Variants in RANBP17 observed in about 807,000 individuals in gnomAD.
RANBP17 encodes the protein ran-binding protein 17.
In RANBP17, 158 loss-of-function variants were observed where a neutral mutation model predicts 141.2. That is an observed-to-expected ratio of 1.12 (90% CI 0.98 to 1.28). The LOEUF is 1.28. Ranked by LOEUF, RANBP17 falls within the 50% of genes most tolerant of loss-of-function variation. The probability of loss-of-function intolerance (pLI) is 0.00; values close to 1 mark genes in which losing one functional copy is unlikely to be tolerated. For missense variants in RANBP17, 1,438 were observed against 1,290.7 expected, an observed-to-expected ratio of 1.11 and a Z score of -1.75; for synonymous variants, 430 against 450.0, an observed-to-expected ratio of 0.96 and a Z score of 0.56.
intron 24 of RANBP17, among the ~76,000 whole-genome samples, chr5:171,258,159 AC>A (rs397882114): frequency 7.5e-6 from 1 of 133,080 alleles, no homozygotes; most frequent in Non-Finnish European, 1.6e-5. Context: ...ACACACACAC[AC>A]CCCTAGGAAT....
chr5:170,965,350 C>T (rs1250824064), intron 13 of RANBP17, among the ~76,000 whole-genome samples: 3 of 151,214 alleles, frequency 2.0e-5, no homozygotes, highest in African/African-American at 4.9e-5. Context: ...TTGTAGGTTG[C>T]CTGTTCACTC....
intron 14 of RANBP17, chr5:170,983,039 T>C (rs1307992040): frequency 2.0e-6 from 1 of 488,878 alleles, no homozygotes; most frequent in Non-Finnish European, 4.0e-6. Context: ...AAGCCTCAAC[T>C]TTACTTCTCT....
chr5:171,110,687 A>G (rs1475442762), intron 14 of RANBP17, among the ~76,000 whole-genome samples: 4 of 152,138 alleles, frequency 2.6e-5, no homozygotes, highest in Non-Finnish European at 5.9e-5. Flanking sequence ...ACAGGGCCAA[A>G]AGGTTATATA....
At position 170,918,995 on chromosome 5, in the gene RANBP17, TAAAA is replaced by T. The variant is rs111269827; in HGVS notation, c.1101+140_1101+143del. On this transcript the variant is annotated intron_variant, in intron 10 of 27. Transcript: ENST00000523189. ...GAAATGTTCATTACAGGGTTTTAGGTAAAAAAATTCATTGAAATGTATATAATAA... is the reference window on the plus strand; with the variant it reads ...GAAATGTTCATTACAGGGTTTTAGGTAAATTCATTGAAATGTATATAATAA... 8.1e-4 allele frequency: 379 copies of T among 469,018 alleles called. 5 individuals are homozygous for T. The highest frequency in any genetic ancestry group is 7.5e-4 in the Non-Finnish European group (215 of 284,996). The allele number at this position is 469,018 out of a possible 1,614,324, so 29.1% of individuals were successfully genotyped here.
chr5:171,010,724 TC>T (rs1334697807), intron 14 of RANBP17, among the ~76,000 whole-genome samples: 1 of 152,126 alleles, frequency 6.6e-6, no homozygotes, highest in Non-Finnish European at 1.5e-5. Context: ...AGAGGGTACA[TC>T]AGTATAGATC....
rs1264181369 is a variant in RANBP17 at position 171,248,068 on chromosome 5, T to G, written c.2776+5248T>G. ...TCTAGAAGAGAAGACTAGAGTCCTA[T>G]AAAGAACTCACAGGAAGGCTGGGCG... On this transcript the variant is annotated intron_variant, in intron 24 of 27. Transcript: ENST00000523189. 3.9e-5 allele frequency among the ~76,000 whole-genome samples: 6 copies of G among 152,074 alleles called. No homozygotes were observed. In the East Asian group the frequency reaches 1.2e-3, roughly 29 times the overall value.
chr5:171,127,596 T>TA (rs1399831171), intron 14 of RANBP17, among the ~76,000 whole-genome samples: 2 of 152,108 alleles, frequency 1.3e-5, no homozygotes, highest in Non-Finnish European at 2.9e-5. Flanking sequence ...CCAAAAAGTA[T>TA]ATGAAAAAAA....
chr5:170,872,875 A>G (rs1767865395), intron 1 of RANBP17, among the ~76,000 whole-genome samples: 1 of 152,108 alleles, frequency 6.6e-6, no homozygotes, highest in Non-Finnish European at 1.5e-5. Flanking sequence ...CATCCCAGGG[A>G]TGAAGTCGAC....
At chr5:170,897,172 T>A (rs931237362) in intron 5 of RANBP17, 9 of 770,586 alleles carry the variant, frequency 1.2e-5, no homozygotes, top group Non-Finnish European at 2.0e-5. Context: ...TCATCACTGA[T>A]ACTTATGGCT....
At chr5:171,185,572 A>G (rs1761179989) in intron 18 of RANBP17, among the ~76,000 whole-genome samples, 1 of 152,216 alleles carries the variant, frequency 6.6e-6, no homozygotes. Flanking sequence ...CCATCTGAAG[A>G]CACCACTTTT....
At chr5:170,996,629 G>A (rs1778835594) in intron 14 of RANBP17, among the ~76,000 whole-genome samples, 1 of 152,156 alleles carries the variant, frequency 6.6e-6, no homozygotes, top group South Asian at 2.1e-4. Flanking sequence ...TGCCGTAGGT[G>A]TACATAATGT....
At chr5:171,119,997 A>T (rs1755907513) in intron 14 of RANBP17, among the ~76,000 whole-genome samples, 1 of 143,326 alleles carries the variant, frequency 7.0e-6, no homozygotes, top group Non-Finnish European at 1.5e-5. Context: ...AGATCGAGCC[A>T]TTGCACTCTG....
chr5:171,063,632 G>C (rs905224870), intron 14 of RANBP17, among the ~76,000 whole-genome samples: 22 of 152,228 alleles, frequency 1.4e-4, no homozygotes, highest in Non-Finnish European at 2.4e-4. Context: ...ACTTGAGGAG[G>C]CAGTCTGCCC....
intron 14 of RANBP17, among the ~76,000 whole-genome samples, chr5:171,068,133 C>T (rs149206939): frequency 2.6e-5 from 4 of 152,024 alleles, no homozygotes; most frequent in African/African-American, 9.7e-5. Flanking sequence ...TTCACTGATT[C>T]TTTCTTCTGG....
chr5:171,062,320 G>A (rs1175516780), intron 14 of RANBP17, among the ~76,000 whole-genome samples: 7 of 152,122 alleles, frequency 4.6e-5, no homozygotes, highest in Admixed American at 3.3e-4. Context: ...TCCATGTTTA[G>A]TGCTTCCTTC....
At chr5:171,144,156 T>A (rs1757888122) in intron 14 of RANBP17, among the ~76,000 whole-genome samples, 1 of 151,938 alleles carries the variant, frequency 6.6e-6, no homozygotes, top group Non-Finnish European at 1.5e-5. Flanking sequence ...TGAGCGCAGG[T>A]GTTTGAGACC....
intron 14 of RANBP17, among the ~76,000 whole-genome samples, chr5:171,024,169 A>C (rs1038806588): frequency 6.6e-6 from 1 of 152,204 alleles, no homozygotes; most frequent in Non-Finnish European, 1.5e-5. Flanking sequence ...ACTGCAAATC[A>C]AAAAGGTAAT....
chr5:170,969,084 A>C (rs1347903765), intron 14 of RANBP17, among the ~76,000 whole-genome samples: 1 of 151,802 alleles, frequency 6.6e-6, no homozygotes, highest in African/African-American at 2.4e-5. Flanking sequence ...TTCTAAAATA[A>C]ACTTTTTATA....
chr5:171,211,650 T>TA (rs1205496257), intron 20 of RANBP17, among the ~76,000 whole-genome samples: 6 of 149,652 alleles, frequency 4.0e-5, no homozygotes, highest in South Asian at 2.1e-4. Flanking sequence ...TTTTTTTTTT[T>TA]ACTGGTGTCT....
Sources: allele counts gnomAD v4.1 joint callset (sites outside exome capture counted in the v4.1 genomes callset), GRCh38; gene constraint gnomAD v4.1.1; transcripts MANE v1.5; gene names NCBI Gene and HGNC (gene_info 2026-07-23, HGNC 2026-07-21).